AHRR: variants seen among roughly 807,000 people sequenced by gnomAD.
AHRR encodes the protein aryl hydrocarbon receptor repressor, also known as ahR repressor.
A neutral mutation model predicts 44.0 loss-of-function variants in AHRR; 28 were observed. The observed-to-expected ratio is 0.64, with a 90% CI of 0.47 to 0.87. AHRR has a LOEUF of 0.87. AHRR is among the 40% of genes least tolerant of loss of function. AHRR has a pLI of 0.00. For missense variants in AHRR, 990 were observed against 953.9 expected (o/e 1.04, Z -0.50); for synonymous variants, 434 against 407.0 (o/e 1.07, Z -0.80).
At chr5:420,827 A>AGACCCACGCACGCAGCCG in intron 5 of AHRR, 1 of 194,014 alleles carries the variant, frequency 5.2e-6, no homozygotes, top group Non-Finnish European at 9.6e-6. Context: ...CCACGCAGCC[A>AGACCCACGCACGCAGCCG]CCCACCCACG....
At chr5:396,748 G>A (rs557457360) in intron 4 of AHRR, among the ~76,000 whole-genome samples, 2 of 152,192 alleles carry the variant, frequency 1.3e-5, no homozygotes, top group South Asian at 4.1e-4. Context: ...CCTGAGAGTG[G>A]GCACAGCAGG....
rs1737001763 is a variant in AHRR at position 435,804 on chromosome 5, A to G, written c.*970A>G. Reference sequence around the variant, plus strand: ...CCATTGCCATCCTAGGAGAATAATTAGGGACAAGACAGACAAGTATTAATA... The same window carrying G: ...CCATTGCCATCCTAGGAGAATAATTGGGGACAAGACAGACAAGTATTAATA... On this transcript the variant is annotated 3_prime_UTR_variant, in exon 11 of 11. Coordinates refer to ENST00000684583, the MANE Select transcript of AHRR (RefSeq NM_001377236.1). 6.5e-6 allele frequency: 1 copy of G among 152,720 alleles called. No homozygotes were observed. The highest frequency in any genetic ancestry group is 2.4e-5 in the African/African-American group (1 of 41,468). 9.5% of individuals were successfully genotyped at this position (152,720 alleles called of 1,614,324 possible).
chr5:386,863 C>T (rs1358871588), intron 4 of AHRR, among the ~76,000 whole-genome samples: 3 of 152,326 alleles, frequency 2.0e-5, no homozygotes, highest in Non-Finnish European at 2.9e-5. Flanking sequence ...GGCTCTGGGT[C>T]CTGGAACTAA....
At chr5:329,444 A>G (rs889179702) in intron 1 of AHRR, among the ~76,000 whole-genome samples, 11 of 152,158 alleles carry the variant, frequency 7.2e-5, no homozygotes, top group Admixed American at 5.9e-4. Flanking sequence ...GGCCTCAAGC[A>G]GTCTTCTTGC....
intron 4 of AHRR, among the ~76,000 whole-genome samples, chr5:400,320 C>T (rs1017921412): frequency 6.6e-6 from 1 of 152,308 alleles, no homozygotes; most frequent in Middle Eastern, 3.4e-3. Context: ...TTTCTCAGAA[C>T]GTTTGCCCCA....
At position 374,266 on chromosome 5, in the gene AHRR, G is replaced by A. The variant is rs532883559; in HGVS notation, c.245-2344G>A. On this transcript the variant is annotated intron_variant, in intron 3 of 10. Coordinates refer to ENST00000684583, the MANE Select transcript of AHRR (RefSeq NM_001377236.1). Reference sequence around the variant, plus strand: ...CGTCTGTGTGGGGCCGCTCCTGCCCGGGTCTCTCCTCGGGCTCGGGGTCAG... The same window carrying A: ...CGTCTGTGTGGGGCCGCTCCTGCCCAGGTCTCTCCTCGGGCTCGGGGTCAG... 2.0e-3 allele frequency among the ~76,000 whole-genome samples: 299 copies of A among 152,310 alleles called. 2 individuals carry two copies. Among genetic ancestry groups the A allele is most frequent in the African/African-American group, 6.8e-3 (282 of 41,584 alleles).
chr5:323,503 CTG>C (rs966083872), intron 1 of AHRR, among the ~76,000 whole-genome samples: 91 of 152,338 alleles, frequency 6.0e-4, no homozygotes, highest in African/African-American at 2.2e-3. Context: ...TTATCAGCAA[CTG>C]TTTCTCAAAC....
In AHRR at chr5:395,318, A is replaced by G. The variant is rs911955050; in HGVS notation, c.352-18026A>G. Among the ~76,000 whole-genome samples, 4 of 152,202 alleles carry G rather than the reference A, an allele frequency of 2.6e-5. No homozygotes were observed. Among genetic ancestry groups the G allele is most frequent in the Admixed American group, 1.3e-4 (2 of 15,292 alleles). ...GACACGAGCCCCGGTGGTGGGATGCAGTTAGCTGAACGCCAGGCTGAGCAG... is the reference window on the plus strand; with the variant it reads ...GACACGAGCCCCGGTGGTGGGATGCGGTTAGCTGAACGCCAGGCTGAGCAG... On this transcript the variant is annotated intron_variant, in intron 4 of 10. Coordinates refer to ENST00000684583, the MANE Select transcript of AHRR (RefSeq NM_001377236.1). This position sits in a 1 kb window ranked among gnomAD's most constrained non-coding sequence, Gnocchi z 5.3.
At chr5:377,641 C>T (rs1733784332) in intron 4 of AHRR, among the ~76,000 whole-genome samples, 1 of 152,222 alleles carries the variant, frequency 6.6e-6, no homozygotes, top group Non-Finnish European at 1.5e-5. Flanking sequence ...GCTGCTCAAC[C>T]CCCTGCCCCA....
chr5:429,346 G>A (rs374875184), intron 8 of AHRR, among the ~76,000 whole-genome samples: 1 of 152,154 alleles, frequency 6.6e-6, no homozygotes, highest in Non-Finnish European at 1.5e-5. Flanking sequence ...GGATGCCGGA[G>A]ATCCAACTTC....
chr5:373,837 C>T (rs1469981408), intron 3 of AHRR, among the ~76,000 whole-genome samples: 1 of 150,780 alleles, frequency 6.6e-6, no homozygotes, highest in African/African-American at 2.4e-5. Flanking sequence ...CTCCTGGCGC[C>T]CTGCCCGGGC....
At chr5:328,109 T>C (rs1283374062) in intron 1 of AHRR, among the ~76,000 whole-genome samples, 2 of 152,290 alleles carry the variant, frequency 1.3e-5, no homozygotes, top group African/African-American at 4.8e-5. Context: ...ACAAAGGACA[T>C]GAACTCATCA....
chr5:436,260 G>A lies in AHRR; in HGVS notation c.*1426G>A, dbSNP rs1324031999. 1.7e-5 allele frequency: 1 copy of A among 58,346 alleles called. No individual in the cohort carries two copies. The allele number at this position is 58,346 out of a possible 1,614,324, so 3.6% of individuals were successfully genotyped here. A position where few individuals can be genotyped will look rare whatever the true frequency, so the allele number is the denominator to read the frequency against. On this transcript the variant is annotated 3_prime_UTR_variant, in exon 11 of 11. Transcript: ENST00000684583. ...CTCTGTTGTTGGCCCGCGGGTGAGG[G>A]ACCCACCACCCCTAGGGACCCACCA...
At chr5:324,836 G>C (rs1183746374) in intron 1 of AHRR, among the ~76,000 whole-genome samples, 3 of 152,206 alleles carry the variant, frequency 2.0e-5, no homozygotes, top group African/African-American at 4.8e-5. Context: ...GGTTATTCAG[G>C]GGGCACTGGC....
At chr5:344,963 T>TGG (rs1560884782) in intron 2 of AHRR, among the ~76,000 whole-genome samples, 1 of 18,498 alleles carries the variant, frequency 5.4e-5, no homozygotes, top group Non-Finnish European at 1.0e-4. Flanking sequence ...GTGTGTGAGG[T>TGG]TGGGGGCTGT....
rs1374097734 is a variant in AHRR at position 395,003 on chromosome 5, G to A, written c.351+18287G>A. Among the ~76,000 whole-genome samples the A allele has an allele frequency of 6.6e-6, 1 of 152,146 alleles. No individual in the cohort carries two copies. Among genetic ancestry groups the A allele is most frequent in the South Asian group, 2.1e-4 (1 of 4,818 alleles). On this transcript the variant is annotated intron_variant, in intron 4 of 10. Transcript: ENST00000684583. This position sits in a 1 kb window ranked among gnomAD's most constrained non-coding sequence, Gnocchi z 5.3. The stretch of plus-strand genomic sequence containing the variant: ...GCCCCGGCCCCAGCCTCCTGCTGTC[G>A]CCCCCCAGGCAGGGCTGTCTCGAGG...
intron 3 of AHRR, among the ~76,000 whole-genome samples, chr5:366,017 A>G (rs1351181684): frequency 5.9e-5 from 9 of 152,156 alleles, no homozygotes; most frequent in Admixed American, 5.9e-4. Context: ...ATATATAAAG[A>G]GAGACATGAA....
chr5:403,015 G>T (rs956645397), intron 4 of AHRR, among the ~76,000 whole-genome samples: 9 of 152,154 alleles, frequency 5.9e-5, no homozygotes, highest in African/African-American at 2.2e-4. Context: ...AGAGTCAGTG[G>T]TTACCAGGGG....
chr5:405,509 G>A lies in AHRR; in HGVS notation c.352-7835G>A, dbSNP rs376267879. 5.2e-3 allele frequency among the ~76,000 whole-genome samples: 794 copies of A among 152,334 alleles called. 3 individuals are homozygous for A. Among genetic ancestry groups the A allele is most frequent in the Non-Finnish European group, 7.0e-3 (473 of 68,036 alleles). On this transcript the variant is annotated intron_variant, in intron 4 of 10. Transcript: ENST00000684583. This position sits in a 1 kb window ranked among gnomAD's most constrained non-coding sequence, Gnocchi z 4.5. The stretch of plus-strand genomic sequence containing the variant: ...CCCTGACATCTTCCTCCGAGTGGGA[G>A]GTGCTTTGTGAGACTTGGGTTTCTT...
Sources: allele counts gnomAD v4.1 joint callset (sites outside exome capture counted in the v4.1 genomes callset), GRCh38; gene constraint gnomAD v4.1.1; non-coding constraint Gnocchi (gnomAD v3.1); transcripts MANE v1.5; gene names NCBI Gene and HGNC (gene_info 2026-07-23, HGNC 2026-07-21).